ZNF398: variants seen among roughly 807,000 people sequenced by gnomAD.
ZNF398 encodes the protein zinc finger protein 398, also known as zinc finger DNA binding protein ZER6.
A neutral mutation model predicts 41.9 loss-of-function variants in ZNF398; 18 were observed. The ratio of observed to expected loss-of-function variants is 0.43; its 90% CI spans 0.30 to 0.64. ZNF398 has a LOEUF of 0.64. Ranked by LOEUF, ZNF398 falls within the 30% of genes least tolerant of loss-of-function variation. The pLI is 0.14. For synonymous variants in ZNF398, 260 were observed against 308.8 expected, an observed-to-expected ratio of 0.84 and a Z score of 1.66; for missense variants, 669 against 822.8, an observed-to-expected ratio of 0.81 and a Z score of 2.29.
upstream of ZNF398, among the ~76,000 whole-genome samples, chr7:149,143,582 G>A (rs1433260431): frequency 6.6e-6 from 1 of 152,230 alleles, no homozygotes; most frequent in Non-Finnish European, 1.5e-5. Context: ...GGGAGGCCGA[G>A]GTGGGCAGAT....
intron 1 of ZNF398, among the ~76,000 whole-genome samples, chr7:149,148,861 G>GGCT (rs1827032082): frequency 3.3e-5 from 1 of 29,854 alleles, no homozygotes; most frequent in African/African-American, 9.3e-5. Context: ...CTTTTTCTTT[G>GGCT]TCTTTTTTTT....
chr7:149,155,707 A>ATTTTTTTTTTTTTTTTTTTTTT (rs1359986695), intron 2 of ZNF398, among the ~76,000 whole-genome samples: 2 of 73,576 alleles, frequency 2.7e-5, no homozygotes, highest in African/African-American at 6.8e-5. Context: ...ATATATATAT[A>ATTTTTTTTTTTTTTTTTTTTTT]TTTTTTTTTT....
At chr7:149,154,565 T>G (rs1317152644) in intron 2 of ZNF398, among the ~76,000 whole-genome samples, 1 of 152,052 alleles carries the variant, frequency 6.6e-6, no homozygotes, top group Admixed American at 6.6e-5. Flanking sequence ...AACCTCTTGC[T>G]GGACCAAAGT....
intron 2 of ZNF398, among the ~76,000 whole-genome samples, chr7:149,134,174 C>T (rs1250486693): frequency 1.3e-5 from 2 of 151,332 alleles, no homozygotes; most frequent in African/African-American, 4.9e-5. Context: ...AAGCAATTCT[C>T]CTGCCTCAGC....
chr7:149,126,963 G>A (rs1262555559), intron 1 of ZNF398, among the ~76,000 whole-genome samples: 1 of 152,214 alleles, frequency 6.6e-6, no homozygotes, highest in Admixed American at 6.5e-5. Flanking sequence ...GACCCCATGC[G>A]GAAGCCACCC....
chr7:149,133,803 G>C (rs1826656065), intron 2 of ZNF398, among the ~76,000 whole-genome samples: 2 of 148,948 alleles, frequency 1.3e-5, no homozygotes, highest in Non-Finnish European at 3.0e-5. Flanking sequence ...GCAAGCTGGA[G>C]TACAATGGTA....
chr7:149,143,608 G>A (rs1260064803), upstream of ZNF398, among the ~76,000 whole-genome samples: 2 of 152,212 alleles, frequency 1.3e-5, no homozygotes, highest in African/African-American at 2.4e-5. Flanking sequence ...GAGGTCAGTA[G>A]TTCGAGACCA....
At chr7:149,141,005 A>G (rs1319899774) in intron 2 of ZNF398, among the ~76,000 whole-genome samples, 2 of 144,258 alleles carry the variant, frequency 1.4e-5, no homozygotes, top group Non-Finnish European at 3.0e-5. Context: ...GTGCCACTGC[A>G]CTCCAGCCTG....
chr7:149,130,805 G>A (rs1384336668), intron 2 of ZNF398, among the ~76,000 whole-genome samples: 1 of 152,116 alleles, frequency 6.6e-6, no homozygotes, highest in African/African-American at 2.4e-5. Context: ...TGAGGAGATG[G>A]GAGATGGGAG....
At chr7:149,174,308 C>G (rs1795417595) in intron 4 of ZNF398, among the ~76,000 whole-genome samples, 1 of 151,966 alleles carries the variant, frequency 6.6e-6, no homozygotes, top group African/African-American at 2.4e-5. Flanking sequence ...TAGTGTAGCC[C>G]CCTTCCTCAA....
rs574257891 is a variant in ZNF398 at position 149,140,383 on chromosome 7, C to T, written c.-490+11439C>T. 6.3e-4 allele frequency among the ~76,000 whole-genome samples: 95 copies of T among 151,984 alleles called. 1 individual carries two copies. Among genetic ancestry groups the T allele is most frequent in the Admixed American group, 1.2e-3 (19 of 15,236 alleles). On this transcript the variant is annotated intron_variant, in intron 2 of 6. Transcript: ENST00000426851. ...TTGCACAGTTGCATTCATAACAGTACATAAAATACTTTTTTTTTTGAGACA... is the reference window on the plus strand; with the variant it reads ...TTGCACAGTTGCATTCATAACAGTATATAAAATACTTTTTTTTTTGAGACA...
chr7:149,134,222 G>A lies in ZNF398; in HGVS notation c.-490+5278G>A, dbSNP rs143415856. Among the ~76,000 whole-genome samples, 661 of 151,516 alleles carry A rather than the reference G, an allele frequency of 4.4e-3. 11 individuals are homozygous for A. Among genetic ancestry groups the A allele is most frequent in the East Asian group, 0.042 (213 of 5,130 alleles). On this transcript the variant is annotated intron_variant, in intron 2 of 6. Coordinates refer to the ZNF398 transcript ENST00000426851. Reference sequence around the variant, plus strand: ...TGGGATTACAGGCACCCGCCACCACGCCCAGCTAATTTTTTTGTTTTTTTG... The same window carrying A: ...TGGGATTACAGGCACCCGCCACCACACCCAGCTAATTTTTTTGTTTTTTTG...
chr7:149,155,541 T>G, intron 2 of ZNF398, among the ~76,000 whole-genome samples: 1 of 151,922 alleles, frequency 6.6e-6, no homozygotes, highest in East Asian at 1.9e-4. Flanking sequence ...TTTAAAAACC[T>G]CCATAGATGA....
intron 1 of ZNF398, chr7:149,151,194 T>G (rs529033134): frequency 3.1e-5 from 37 of 1,178,810 alleles, no homozygotes; most frequent in Non-Finnish European, 3.9e-5. Context: ...GTTTACCTGG[T>G]GATTTCCTCT....
chr7:149,147,759 C>G lies in ZNF398; in HGVS notation c.17C>G (p.Pro6Arg). MAEAA[P>R]APTSEWDSEC... ...CGCAGGGCCATGGCTGAGGCGGCCC[C>G]GGCCCCGGTAAGGGCGGCCGCGCGC... The change falls in exon 1 of 6, where the codon CCG (proline) becomes CGG (arginine). Residue 6 changes from proline to arginine, a missense_variant. By Grantham distance (103) the Pro-to-Arg change is moderately radical. Around this residue, in one of 3 missense-constraint regions of ZNF398, gnomAD observed 169 missense variants for 239.5 expected, o/e 0.71. Transcript: ENST00000475153. This position sits in a 1 kb window ranked among gnomAD's most constrained non-coding sequence, Gnocchi z 5.6. 1.4e-6 allele frequency: 2 copies of G among 1,387,362 alleles called. No homozygotes were observed. Among genetic ancestry groups the G allele is most frequent in the South Asian group, 3.1e-5 (2 of 63,648 alleles). 85.9% of individuals were successfully genotyped at this position (1,387,362 alleles called of 1,614,324 possible).
rs755285096 is a variant in ZNF398 at position 149,153,965 on chromosome 7, G to A, written c.45G>A (p.Glu15=). 1 of 1,612,354 alleles carries A rather than the reference G, an allele frequency of 6.2e-7. No homozygotes were observed. The highest frequency in any genetic ancestry group is 8.5e-7 in the Non-Finnish European group (1 of 1,179,212). The part of the protein sequence containing the change: ...APAPTSEWDS[E]CLTSLQPLPL... ...TGCAGACATCTGAATGGGACTCCGA[G>A]TGCCTTACATCCCTGCAGCCCCTTC... is the stretch of plus-strand genomic sequence containing the variant. The change falls in exon 2 of 6, where the codon GAG becomes GAA. Residue 15 remains glutamate (E), a synonymous_variant. Coordinates refer to ENST00000475153, the MANE Select transcript of ZNF398 (RefSeq NM_170686.3).
intron 2 of ZNF398, among the ~76,000 whole-genome samples, chr7:149,133,431 G>C (rs10251828): frequency 0.15 from 22,254 of 150,284 alleles, 1,830 homozygotes; most frequent in African/African-American, 0.23. Flanking sequence ...TGGTCTTTAT[G>C]ACCTGTATGT....
At chr7:149,163,886 G>T (rs1795168246) in intron 2 of ZNF398, among the ~76,000 whole-genome samples, 2 of 152,156 alleles carry the variant, frequency 1.3e-5, no homozygotes, top group African/African-American at 4.8e-5. Context: ...GCTGAGGTAG[G>T]TGAATCATTT....
Position 149,147,799 on chromosome 7 carries a change from C to T in ZNF398, c.24+33C>T, listed in dbSNP as rs779420026. Reference sequence around the variant, plus strand: ...CGGCCGCGCGCGAGTGTTGTGAGCCCCCGAGACCCAGACCCCGAGGGAGGA... The same window carrying T: ...CGGCCGCGCGCGAGTGTTGTGAGCCTCCGAGACCCAGACCCCGAGGGAGGA... On this transcript the variant is annotated intron_variant, in intron 1 of 5. Coordinates refer to ENST00000475153, the MANE Select transcript of ZNF398 (RefSeq NM_170686.3). This position sits in a 1 kb window ranked among gnomAD's most constrained non-coding sequence, Gnocchi z 5.6. The T allele has an allele frequency of 6.5e-6, 9 of 1,374,714 alleles. No individual in the cohort carries two copies. The East Asian group carries it at 2.1e-4, about 32-fold the overall frequency. 85.2% of individuals were successfully genotyped at this position (1,374,714 alleles called of 1,614,324 possible). A position where few individuals can be genotyped will look rare whatever the true frequency, so the allele number is the denominator to read the frequency against.
Sources: gnomAD v4.1 joint callset for allele counts (sites outside exome capture counted in the v4.1 genomes callset) on GRCh38, gnomAD v4.1.1 for gene constraint, gnomAD v4.1.1 regional missense constraint, Gnocchi (gnomAD v3.1) non-coding constraint, MANE v1.5 for transcripts, NCBI Gene and HGNC (gene_info 2026-07-23, HGNC 2026-07-21) for gene names.